Variants in KCNH8 observed in about 807,000 individuals in gnomAD.
KCNH8 encodes the protein potassium voltage-gated channel subfamily H member 8, also known as voltage-gated delayed rectifier potassium channel KCNH8.
Under a neutral mutation model 103.6 loss-of-function variants are expected in KCNH8, and 70 were observed. The observed-to-expected ratio is 0.68, with a 90% CI of 0.56 to 0.82. The LOEUF is 0.82. Ranked by LOEUF, KCNH8 falls within the 40% of genes least tolerant of loss-of-function variation. KCNH8 has a pLI of 0.00. For synonymous variants in KCNH8, 498 were observed against 489.4 expected (o/e 1.02, Z -0.23); for missense variants, 1,217 against 1,329.9 (o/e 0.92, Z 1.32).
intron 2 of KCNH8, among the ~76,000 whole-genome samples, chr3:19,271,484 G>A (rs1251398915): frequency 6.6e-6 from 1 of 151,950 alleles, no homozygotes; most frequent in African/African-American, 2.4e-5. Context: ...GAAATTATTG[G>A]AACAAATATC....
intron 1 of KCNH8, among the ~76,000 whole-genome samples, chr3:19,215,329 C>T (rs1298207452): frequency 6.6e-6 from 1 of 152,156 alleles, no homozygotes; most frequent in East Asian, 1.9e-4. Context: ...TCTGGCACCA[C>T]ACACTAGCAC....
chr3:19,364,239 C>T (rs1363025333), intron 5 of KCNH8, among the ~76,000 whole-genome samples: 3 of 152,116 alleles, frequency 2.0e-5, no homozygotes, highest in African/African-American at 7.2e-5. Flanking sequence ...CCCACGCCTC[C>T]ACAACACAAA....
intron 11 of KCNH8, among the ~76,000 whole-genome samples, chr3:19,493,889 A>C (rs1318832592): frequency 6.6e-6 from 1 of 152,138 alleles, no homozygotes; most frequent in Non-Finnish European, 1.5e-5. Flanking sequence ...GTACATGTGC[A>C]GGTTTGCTAT....
At chr3:19,203,388 A>C (rs1575433993) in intron 1 of KCNH8, among the ~76,000 whole-genome samples, 1 of 152,070 alleles carries the variant, frequency 6.6e-6, no homozygotes, top group African/African-American at 2.4e-5. Flanking sequence ...AAAAGCAAAA[A>C]ATCTATAAGA....
intron 1 of KCNH8, among the ~76,000 whole-genome samples, chr3:19,184,685 G>A (rs2125205025): frequency 6.6e-6 from 1 of 151,974 alleles, no homozygotes; most frequent in Non-Finnish European, 1.5e-5. Flanking sequence ...GTAGTATTTG[G>A]TATTTTTCAA....
intron 5 of KCNH8, among the ~76,000 whole-genome samples, chr3:19,369,739 T>A (rs1188196447): frequency 6.6e-6 from 1 of 151,948 alleles, no homozygotes; most frequent in Non-Finnish European, 1.5e-5. Context: ...GTCATAAGTT[T>A]AGGGCCCTTT....
chr3:19,203,575 A>C (rs2063684655), intron 1 of KCNH8, among the ~76,000 whole-genome samples: 1 of 152,070 alleles, frequency 6.6e-6, no homozygotes, highest in Admixed American at 6.6e-5. Context: ...ATAAAAATGC[A>C]TCTTTGAGGA....
chr3:19,378,075 GA>G lies in KCNH8; in HGVS notation c.812-12405del, dbSNP rs767133180. On this transcript the variant is annotated intron_variant, in intron 5 of 15. Transcript: ENST00000328405. Reference sequence around the variant, plus strand: ...GTGCGTGTTGGGGGCGGTTCTCTTAGATAATCATTTAGGGACTGAGACAGAC... The same window carrying G: ...GTGCGTGTTGGGGGCGGTTCTCTTAGTAATCATTTAGGGACTGAGACAGAC... 3.3e-5 allele frequency among the ~76,000 whole-genome samples: 5 copies of G among 152,282 alleles called. No homozygotes were observed. In the East Asian group the frequency reaches 5.8e-4, roughly 18 times the overall value.
At chr3:19,355,659 C>T (rs138483107) in intron 5 of KCNH8, among the ~76,000 whole-genome samples, 4 of 152,192 alleles carry the variant, frequency 2.6e-5, no homozygotes, top group African/African-American at 7.2e-5. Flanking sequence ...CCCATGTTCT[C>T]ACTCGTAGGT....
At chr3:19,178,770 G>T (rs1234246026) in intron 1 of KCNH8, among the ~76,000 whole-genome samples, 2 of 152,112 alleles carry the variant, frequency 1.3e-5, no homozygotes, top group East Asian at 3.9e-4. Flanking sequence ...AAGTAATATG[G>T]TTAGACTTTA....
intron 5 of KCNH8, among the ~76,000 whole-genome samples, chr3:19,376,205 C>G (rs2066197858): frequency 6.6e-6 from 1 of 152,214 alleles, no homozygotes; most frequent in Admixed American, 6.5e-5. Flanking sequence ...AGCCTCGCTG[C>G]CGCCTTGCAG....
At position 19,513,242 on chromosome 3, in the gene KCNH8, C is replaced by G; in HGVS notation, c.2352C>G (p.Pro784=). Residue 784 remains proline, a synonymous_variant, in exon 13 of 16, where the codon CCC becomes CCG. Coordinates refer to ENST00000328405, the MANE Select transcript of KCNH8 (RefSeq NM_144633.3). ...SPKTKQEIDP[P]NHNKRKEKNL... ...AAACCAAGCAGGAAATTGACCCCCC[C>G]AACCATAATAAAAGGAAAGAGAAGA... is the stretch of plus-strand genomic sequence containing the variant. The G allele has an allele frequency of 3.1e-6, 5 of 1,613,814 alleles. No homozygotes were observed. The highest frequency in any genetic ancestry group is 4.2e-6 in the Non-Finnish European group (5 of 1,179,940).
At chr3:19,481,477 T>G (rs1039738296) in intron 11 of KCNH8, among the ~76,000 whole-genome samples, 15 of 152,154 alleles carry the variant, frequency 9.9e-5, no homozygotes, top group African/African-American at 3.4e-4. Flanking sequence ...AAATTTTATG[T>G]AGAAGGGACT....
intron 11 of KCNH8, among the ~76,000 whole-genome samples, chr3:19,474,402 T>G (rs1486937799): frequency 2.0e-5 from 3 of 152,152 alleles, no homozygotes; most frequent in African/African-American, 7.2e-5. Context: ...GCTCACCATT[T>G]AAACCCAGCA....
intron 11 of KCNH8, among the ~76,000 whole-genome samples, chr3:19,488,469 C>G (rs1261160840): frequency 6.6e-6 from 1 of 152,190 alleles, no homozygotes; most frequent in Non-Finnish European, 1.5e-5. Context: ...TTCCTGTTAT[C>G]TTCTGTGCTT....
intron 1 of KCNH8, among the ~76,000 whole-genome samples, chr3:19,243,350 C>G (rs1327186517): frequency 6.6e-6 from 1 of 152,120 alleles, no homozygotes; most frequent in African/African-American, 2.4e-5. Context: ...TTTTCCATCT[C>G]TGCATTATTA....
chr3:19,487,437 G>A (rs575924791), intron 11 of KCNH8, among the ~76,000 whole-genome samples: 1 of 152,286 alleles, frequency 6.6e-6, no homozygotes, highest in East Asian at 1.9e-4. Flanking sequence ...GTGTTCTATG[G>A]AGACTGGCAA....
chr3:19,286,074 G>A (rs2064828109), intron 3 of KCNH8, among the ~76,000 whole-genome samples: 1 of 152,176 alleles, frequency 6.6e-6, no homozygotes, highest in Non-Finnish European at 1.5e-5. Context: ...AAGTCATGAA[G>A]TTGAAGTTCA....
At chr3:19,378,779 G>C (rs1411067060) in intron 5 of KCNH8, among the ~76,000 whole-genome samples, 1 of 152,204 alleles carries the variant, frequency 6.6e-6, no homozygotes, top group East Asian at 1.9e-4. Flanking sequence ...TTGGGGCACA[G>C]TTTTGACTCT....
Sources: gnomAD v4.1 joint callset for allele counts (sites outside exome capture counted in the v4.1 genomes callset) on GRCh38, gnomAD v4.1.1 for gene constraint, MANE v1.5 for transcripts, NCBI Gene and HGNC (gene_info 2026-07-23, HGNC 2026-07-21) for gene names.